Variants in ACACB observed in about 807,000 individuals in gnomAD.
ACACB encodes acetyl-CoA carboxylase 2.
ACACB carries 209 observed loss-of-function variants against 278.8 expected under a neutral mutation model. The observed-to-expected ratio is 0.75, with a 90% CI of 0.67 to 0.84. ACACB has a LOEUF of 0.84. ACACB is among the 40% of genes least tolerant of loss of function. ACACB has a pLI of 0.00. For missense variants in ACACB, 2,850 were observed against 3,269.0 expected (o/e 0.87, Z 3.13); for synonymous variants, 1,174 against 1,285.6 (o/e 0.91, Z 1.86).
In ACACB at chr12:109,252,355, G is replaced by A. The variant is rs530948410; in HGVS notation, c.5901+199G>A. 20 of 444,158 alleles carry A rather than the reference G, an allele frequency of 4.5e-5. No homozygotes were observed. In the East Asian group the frequency reaches 6.3e-4, roughly 14 times the overall value. The allele number at this position is 444,158 out of a possible 1,614,324, so 27.5% of individuals were successfully genotyped here. A position where few individuals can be genotyped will look rare whatever the true frequency, so the allele number is the denominator to read the frequency against. ...AAATTAGTTTTAGGCAATTCTGGTC[G>A]ATCTAACTCCCTGTATTACTGACAT... On this transcript the variant is annotated intron_variant, in intron 42 of 52. Transcript: ENST00000338432.
intron 48 of ACACB, among the ~76,000 whole-genome samples, chr12:109,260,973 G>A (rs2047361473): frequency 6.6e-6 from 1 of 152,122 alleles, no homozygotes; most frequent in Admixed American, 6.5e-5. Context: ...TATATCCCAG[G>A]GTCTAGCACA....
intron 3 of ACACB, 79 bp from the exon 4 acceptor site, chr12:109,167,817 G>A: frequency 6.2e-7 from 1 of 1,606,806 alleles, no homozygotes; most frequent in Non-Finnish European, 8.5e-7. Context: ...CTGCAGCTGT[G>A]AGGTGGACTC....
Position 109,139,391 on chromosome 12 carries a change from T to G in ACACB, c.-9-6T>G, listed in dbSNP as rs769916566. The G allele has an allele frequency of 4.4e-6, 7 of 1,603,344 alleles. No individual in the cohort carries two copies. The East Asian group carries it at 1.6e-4, about 36-fold the overall frequency. On this transcript the variant is annotated splice_polypyrimidine_tract_variant and splice_region_variant and intron_variant, in intron 1 of 52. Coordinates refer to ENST00000338432, the MANE Select transcript of ACACB (RefSeq NM_001093.4). ...TCCTAAAATGTCTCTCCTTTTCTCCTTACAGATTTTCTGAATGGTCTTGCT... is the reference window on the plus strand; with the variant it reads ...TCCTAAAATGTCTCTCCTTTTCTCCGTACAGATTTTCTGAATGGTCTTGCT...
In ACACB at chr12:109,222,509, T is replaced by A. The variant is rs2046199556; in HGVS notation, c.3567T>A (p.Asp1189Glu). The change falls in exon 25 of 53, where the codon GAT becomes GAA. Residue 1189 changes from aspartate to glutamate, a missense_variant and splice_region_variant. Transcript: ENST00000338432. Reference sequence around the variant, plus strand: ...GGCTTCTTTTTCTGTCCCCTAAGGATGAGCTGTGTGGCCCAGACCCTTCCC... The same window carrying A: ...GGCTTCTTTTTCTGTCCCCTAAGGAAGAGCTGTGTGGCCCAGACCCTTCCC... ...KKNQLVIMLI[D>E]ELCGPDPSLS... 2 of 1,610,318 alleles carry A rather than the reference T, an allele frequency of 1.2e-6. No homozygotes were observed. The highest frequency in any genetic ancestry group is 1.3e-5 in the African/African-American group (1 of 74,984).
At position 109,172,422 on chromosome 12, in the gene ACACB, C is replaced by T. The variant is rs1467093166; in HGVS notation, c.1117+66C>T. ...TGCTGGGACACTCTGCTGGGTCTGACCCTCTTTCTCCTCCTGTCCTGTAAA... is the reference window on the plus strand; with the variant it reads ...TGCTGGGACACTCTGCTGGGTCTGATCCTCTTTCTCCTCCTGTCCTGTAAA... On this transcript the variant is annotated intron_variant, in intron 6 of 52. Coordinates refer to ENST00000338432, the MANE Select transcript of ACACB (RefSeq NM_001093.4). 30 of 1,431,536 alleles carry T rather than the reference C, an allele frequency of 2.1e-5. 1 individual carries two copies. The highest frequency in any genetic ancestry group is 2.8e-5 in the African/African-American group (2 of 71,282). 88.7% of individuals were successfully genotyped at this position (1,431,536 alleles called of 1,614,324 possible).
At chr12:109,124,961 G>C (rs1013566456) in intron 1 of ACACB, among the ~76,000 whole-genome samples, 1 of 152,098 alleles carries the variant, frequency 6.6e-6, no homozygotes, top group Non-Finnish European at 1.5e-5. Context: ...CGATACTCCC[G>C]CCTTGGCCTT....
At chr12:109,179,766 T>G in intron 10 of ACACB, 151 bp from the exon 11 acceptor site, 7 of 868,384 alleles carry the variant, frequency 8.1e-6, no homozygotes, top group Non-Finnish European at 1.2e-5. Flanking sequence ...GCTAGGGTGA[T>G]AGGCATGAGC....
intron 9 of ACACB, among the ~76,000 whole-genome samples, chr12:109,177,904 TAG>T (rs2044331931): frequency 6.6e-6 from 1 of 152,190 alleles, no homozygotes; most frequent in South Asian, 2.1e-4. Flanking sequence ...GCGGAAAGAA[TAG>T]AGAGTTCCCA....
intron 2 of ACACB, among the ~76,000 whole-genome samples, chr12:109,154,460 G>A (rs551429401): frequency 1.6e-4 from 24 of 152,374 alleles, no homozygotes; most frequent in Non-Finnish European, 3.4e-4. Context: ...ATGTAGGGGT[G>A]TCCCATATTG....
chr12:109,191,317 G>A (rs1259548993), intron 13 of ACACB, among the ~76,000 whole-genome samples: 1 of 151,540 alleles, frequency 6.6e-6, no homozygotes. Flanking sequence ...AGATTCAAGT[G>A]ATTCTCCTGC....
rs1456690721 is a variant in ACACB, at chr12:109,117,052, T to TC, written c.-10+348_-10+349insC. The stretch of plus-strand genomic sequence containing the variant: ...TGTTTCCTCAAATGGTTGTTCTTTT[T>TC]TTTTTTTTTTTTTTTTTTAAAGCAG... On this transcript the variant is annotated intron_variant, in intron 1 of 52. Coordinates refer to ENST00000338432, the MANE Select transcript of ACACB (RefSeq NM_001093.4). Among the ~76,000 whole-genome samples, 20 of 148,552 alleles carry TC rather than the reference T, an allele frequency of 1.3e-4. No individual in the cohort carries two copies. The South Asian group carries it at 4.2e-3, about 31-fold the overall frequency.
intron 20 of ACACB, among the ~76,000 whole-genome samples, chr12:109,208,098 T>C (rs2045574552): frequency 6.6e-6 from 1 of 152,208 alleles, no homozygotes; most frequent in Non-Finnish European, 1.5e-5. Context: ...CTAAGAGACT[T>C]GCTGTGCTTC....
chr12:109,185,691 C>T lies in ACACB; in HGVS notation c.1931C>T (p.Ala644Val). The T allele has an allele frequency of 6.2e-7, 1 of 1,613,526 alleles. No individual in the cohort carries two copies. Among genetic ancestry groups the T allele is most frequent in the Non-Finnish European group, 8.5e-7 (1 of 1,179,706 alleles). The change falls in exon 12 of 53, where the codon GCC becomes GTC. Residue 644 changes from alanine (A) to valine (V), a missense_variant. This residue lies in a region of ACACB where 2,265 missense variants were observed against 2,561.3 expected (regional missense o/e 0.88). Coordinates refer to ENST00000338432, the MANE Select transcript of ACACB (RefSeq NM_001093.4). The stretch of plus-strand genomic sequence containing the variant: ...GAAACCCCCTCAAACCCTCCCCTCG[C>T]CCGAGGCCACGTCATTGCCGCCAGA... ...SFETPSNPPLARGHVIAARIT... is the reference protein window; with the variant it reads ...SFETPSNPPLVRGHVIAARIT...
At chr12:109,170,419 G>T (rs553514302) in intron 4 of ACACB, among the ~76,000 whole-genome samples, 15 of 152,226 alleles carry the variant, frequency 9.9e-5, no homozygotes, top group African/African-American at 3.4e-4. Context: ...GGCTTAAAGA[G>T]CATGAGTATT....
At chr12:109,212,999 G>C in intron 22 of ACACB, 63 bp downstream of exon 22, 10 of 1,438,298 alleles carry the variant, frequency 7.0e-6, no homozygotes, top group Non-Finnish European at 9.8e-6. Flanking sequence ...CATTGCACCA[G>C]GGTGGTGCTC....
chr12:109,243,315 T>C (rs1011855958), intron 37 of ACACB, among the ~76,000 whole-genome samples: 3 of 152,102 alleles, frequency 2.0e-5, no homozygotes, highest in African/African-American at 7.2e-5. Flanking sequence ...AATAATGTTT[T>C]GGGTTGGGCA....
At chr12:109,230,014 A>G (rs2046422648) in intron 28 of ACACB, among the ~76,000 whole-genome samples, 1 of 152,094 alleles carries the variant, frequency 6.6e-6, no homozygotes, top group African/African-American at 2.4e-5. Flanking sequence ...CTCTGGTTTT[A>G]GTTCTTATGG....
intron 22 of ACACB, among the ~76,000 whole-genome samples, chr12:109,215,200 G>A (rs941229309): frequency 1.3e-5 from 2 of 151,862 alleles, no homozygotes; most frequent in African/African-American, 2.4e-5. Flanking sequence ...CCTTGGGTAA[G>A]TAATTGAAAA....
chr12:109,140,256 ATCCT>A (rs1446207979), intron 2 of ACACB, among the ~76,000 whole-genome samples, 198 bp downstream of exon 2: 10 of 83,210 alleles, frequency 1.2e-4, no homozygotes, highest in Non-Finnish European at 2.0e-4. Flanking sequence ...CCTTCCTTCC[ATCCT>A]TCCTTCCTTC....
Sources: allele counts gnomAD v4.1 joint callset (sites outside exome capture counted in the v4.1 genomes callset), GRCh38; gene constraint gnomAD v4.1.1; regional missense constraint gnomAD v4.1.1; transcripts MANE v1.5; gene names NCBI Gene and HGNC (gene_info 2026-07-23, HGNC 2026-07-21).